Variants in ADAMTS2 observed in about 807,000 individuals in gnomAD.
ADAMTS2 encodes A disintegrin and metalloproteinase with thrombospondin motifs 2.
Under a neutral mutation model 123.0 loss-of-function variants are expected in ADAMTS2, and 50 were observed. The ratio of observed to expected loss-of-function variants is 0.41; its 90% CI spans 0.32 to 0.51. ADAMTS2 has a LOEUF of 0.51. ADAMTS2 is among the 20% of genes least tolerant of loss of function. The probability of loss-of-function intolerance (pLI) is 0.35; values close to 1 mark genes in which losing one functional copy is unlikely to be tolerated. For synonymous variants in ADAMTS2, 678 were observed against 695.4 expected (o/e 0.98, Z 0.39); for missense variants, 1,494 against 1,705.2 (o/e 0.88, Z 2.18).
chr5:179,184,837 G>T (rs1764133217), intron 4 of ADAMTS2, among the ~76,000 whole-genome samples: 1 of 152,216 alleles, frequency 6.6e-6, no homozygotes, highest in Non-Finnish European at 1.5e-5. Context: ...CCTCCTGCCA[G>T]GAGGCGGAGA....
At position 179,176,825 on chromosome 5, in the gene ADAMTS2, G is replaced by A. The variant is rs1251081846; in HGVS notation, c.975+4247C>T. On this transcript the variant is annotated intron_variant, in intron 5 of 21. Coordinates refer to ENST00000251582, the MANE Select transcript of ADAMTS2 (RefSeq NM_014244.5). The stretch of plus-strand genomic sequence containing the variant: ...CTCCTTGCGATCGGCTCCTTCCGAC[G>A]TCTTTGGCATTGGGTCTGCTGTTCC... Among the ~76,000 whole-genome samples the A allele has an allele frequency of 7.2e-5, 11 of 152,298 alleles. No individual in the cohort carries two copies. In the East Asian group the frequency reaches 1.4e-3, roughly 19 times the overall value.
At chr5:179,340,294 C>T (rs1174317925) in intron 2 of ADAMTS2, among the ~76,000 whole-genome samples, 1 of 152,178 alleles carries the variant, frequency 6.6e-6, no homozygotes, top group African/African-American at 2.4e-5. Context: ...GAGGCAGAGG[C>T]GGGCAGGGTT....
rs531039233 is a variant in ADAMTS2 at position 179,153,474 on chromosome 5, C to T, written c.1515+17G>A. ...CCCAGACCTGGGAGGGTCCCGGCTG[C>T]AGGGCTGCACACTCACCGCCGTGCA... On this transcript the variant is annotated intron_variant, in intron 9 of 21. Coordinates refer to ENST00000251582, the MANE Select transcript of ADAMTS2 (RefSeq NM_014244.5). 13 of 1,606,260 alleles carry T rather than the reference C, an allele frequency of 8.1e-6. No individual in the cohort carries two copies. In the East Asian group the frequency reaches 1.3e-4, roughly 17 times the overall value.
At chr5:179,278,194 A>G (rs365864) in intron 2 of ADAMTS2, among the ~76,000 whole-genome samples, 12 of 107,934 alleles carry the variant, frequency 1.1e-4, no homozygotes, top group Middle Eastern at 5.1e-3. Flanking sequence ...TGACCCCCCC[A>G]AGACCATCAG....
intron 21 of ADAMTS2, among the ~76,000 whole-genome samples, chr5:179,116,640 A>T (rs1018855346): frequency 6.6e-6 from 1 of 152,236 alleles, no homozygotes; most frequent in Non-Finnish European, 1.5e-5. Flanking sequence ...AATAATGCAT[A>T]AAGGCATAAA....
At chr5:179,200,140 T>C (rs1365501237) in intron 4 of ADAMTS2, among the ~76,000 whole-genome samples, 2 of 152,062 alleles carry the variant, frequency 1.3e-5, no homozygotes, top group Non-Finnish European at 2.9e-5. Flanking sequence ...GGTAATATCC[T>C]GACGAGTTTT....
intron 2 of ADAMTS2, among the ~76,000 whole-genome samples, chr5:179,280,054 C>T (rs921058374): frequency 6.6e-6 from 1 of 152,200 alleles, no homozygotes; most frequent in Non-Finnish European, 1.5e-5. Flanking sequence ...CTGGGCCTTC[C>T]AGGGTTCTGC....
rs1765783665 is a variant in ADAMTS2 at position 179,245,787 on chromosome 5, A to AAAAC, written c.688+27123_688+27124insGTTT. On this transcript the variant is annotated intron_variant, in intron 3 of 21. Transcript: ENST00000251582. Reference sequence around the variant, plus strand: ...TCTCAAAAAAAAAAAAAAAAAAAAAAAAAAAAAACAAAAAAAACAAAGATG... The same window carrying AAAAC: ...TCTCAAAAAAAAAAAAAAAAAAAAAAAAACAAAAAAAACAAAAAAAACAAAGATG... 3.0e-3 allele frequency among the ~76,000 whole-genome samples: 230 copies of AAAAC among 76,174 alleles called. 10 individuals are homozygous for AAAAC. Among genetic ancestry groups the AAAAC allele is most frequent in the African/African-American group, 8.9e-3 (193 of 21,716 alleles). The allele number at this position is 76,174 out of a possible 152,430, so 50.0% of individuals were successfully genotyped here. A position where few individuals can be genotyped will look rare whatever the true frequency, so the allele number is the denominator to read the frequency against.
At chr5:179,160,215 T>C (rs917736444) in intron 5 of ADAMTS2, among the ~76,000 whole-genome samples, 2 of 152,150 alleles carry the variant, frequency 1.3e-5, no homozygotes, top group African/African-American at 4.8e-5. Flanking sequence ...TCCCAGCACT[T>C]TGGGAGGCTG....
chr5:179,215,187 G>A (rs749995219), intron 3 of ADAMTS2, among the ~76,000 whole-genome samples: 1 of 152,236 alleles, frequency 6.6e-6, no homozygotes, highest in Non-Finnish European at 1.5e-5. Flanking sequence ...AGTGGCTCAC[G>A]CCTGTAATTC....
chr5:179,283,164 C>G (rs1339175055), intron 2 of ADAMTS2, among the ~76,000 whole-genome samples: 2 of 152,116 alleles, frequency 1.3e-5, no homozygotes, highest in Middle Eastern at 3.4e-3. Flanking sequence ...GAATTGCCCT[C>G]TGCATCTATG....
chr5:179,323,849 T>A (rs1052640451), intron 2 of ADAMTS2, among the ~76,000 whole-genome samples: 1 of 152,222 alleles, frequency 6.6e-6, no homozygotes, highest in Non-Finnish European at 1.5e-5. Flanking sequence ...ACATGAATGT[T>A]CCTGGCAGCA....
intron 3 of ADAMTS2, among the ~76,000 whole-genome samples, chr5:179,233,375 G>A (rs1174794545): frequency 1.0e-5 from 1 of 97,286 alleles, no homozygotes; most frequent in African/African-American, 4.8e-5. Flanking sequence ...TTGTTAAAAT[G>A]TGTCACATTA....
chr5:179,329,483 G>GA (rs1191920340), intron 2 of ADAMTS2, among the ~76,000 whole-genome samples: 1 of 151,988 alleles, frequency 6.6e-6, no homozygotes, highest in East Asian at 1.9e-4. Context: ...TGGCAATTTA[G>GA]AAAAAAATGA....
At chr5:179,316,693 C>T (rs538411733) in intron 2 of ADAMTS2, among the ~76,000 whole-genome samples, 1 of 152,166 alleles carries the variant, frequency 6.6e-6, no homozygotes, top group Non-Finnish European at 1.5e-5. Flanking sequence ...CCTATAATTC[C>T]AGCACTTTGG....
At chr5:179,172,992 C>A (rs949431997) in intron 5 of ADAMTS2, among the ~76,000 whole-genome samples, 1 of 151,506 alleles carries the variant, frequency 6.6e-6, no homozygotes, top group Non-Finnish European at 1.5e-5. Context: ...ATCATTTGAG[C>A]CTGGGAGTTC....
At chr5:179,142,110 C>A (rs1206551552) in intron 10 of ADAMTS2, among the ~76,000 whole-genome samples, 1 of 152,154 alleles carries the variant, frequency 6.6e-6, no homozygotes, top group Non-Finnish European at 1.5e-5. Flanking sequence ...GGCTTCACAG[C>A]TCTCCCTAAG....
chr5:179,313,030 C>T (rs1243157345), intron 2 of ADAMTS2, among the ~76,000 whole-genome samples: 1 of 152,222 alleles, frequency 6.6e-6, no homozygotes, highest in Non-Finnish European at 1.5e-5. Flanking sequence ...CTAAACCCTC[C>T]TCTTCCAGGG....
intron 3 of ADAMTS2, among the ~76,000 whole-genome samples, chr5:179,268,855 C>A (rs1039663650): frequency 6.6e-6 from 1 of 152,196 alleles, no homozygotes; most frequent in South Asian, 2.1e-4. Context: ...CTGTGCACTG[C>A]GTGGCCAGCC....
Sources: gnomAD v4.1 joint callset for allele counts (sites outside exome capture counted in the v4.1 genomes callset) on GRCh38, gnomAD v4.1.1 for gene constraint, MANE v1.5 for transcripts, NCBI Gene and HGNC (gene_info 2026-07-23, HGNC 2026-07-21) for gene names.